PRKAR2A: variants seen among roughly 807,000 people sequenced by gnomAD.
The protein encoded by PRKAR2A is cAMP-dependent protein kinase type II-alpha regulatory subunit.
In PRKAR2A, 29 loss-of-function variants were observed where a neutral mutation model predicts 51.9. The observed-to-expected ratio is 0.56, with a 90% CI of 0.42 to 0.76. PRKAR2A has a LOEUF of 0.76. Ranked by LOEUF, PRKAR2A falls within the 30% of genes least tolerant of loss-of-function variation. PRKAR2A has a pLI of 0.00. For missense variants in PRKAR2A, 445 were observed against 512.1 expected (o/e 0.87, Z 1.26); for synonymous variants, 178 against 186.2 (o/e 0.96, Z 0.36).
chr3:48,815,695 C>T (rs985233191), intron 1 of PRKAR2A, among the ~76,000 whole-genome samples: 6 of 121,726 alleles, frequency 4.9e-5, no homozygotes, highest in South Asian at 5.1e-4. Context: ...TCTGTCTCAG[C>T]GGAAAAAAAA....
In PRKAR2A at chr3:48,829,590, A is replaced by ACGTGTG. The variant is rs1477522468; in HGVS notation, c.262+17744_262+17745insCACACG. On this transcript the variant is annotated intron_variant, in intron 1 of 10. Transcript: ENST00000265563. ...CACACATAAATATATATGTGTGTAT[A>ACGTGTG]TATACACACACATAAATGTGTGTGT... 3.7e-3 allele frequency among the ~76,000 whole-genome samples: 132 copies of ACGTGTG among 35,644 alleles called. 22 individuals are homozygous for ACGTGTG. Among genetic ancestry groups the ACGTGTG allele is most frequent in the South Asian group, 0.021 (22 of 1,050 alleles). The allele number at this position is 35,644 out of a possible 152,430, so 23.4% of individuals were successfully genotyped here.
chr3:48,837,138 T>C (rs914863349), intron 1 of PRKAR2A, among the ~76,000 whole-genome samples: 2 of 150,564 alleles, frequency 1.3e-5, no homozygotes, highest in Non-Finnish European at 3.0e-5. Context: ...ATAATAATAA[T>C]AAAAATAAAA....
At position 48,822,810 on chromosome 3, in the gene PRKAR2A, T is replaced by C. The variant is rs563581104; in HGVS notation, c.263-15126A>G. 2.0e-5 allele frequency among the ~76,000 whole-genome samples: 3 copies of C among 150,678 alleles called. No homozygotes were observed. The East Asian group carries it at 5.9e-4, about 30-fold the overall frequency. On this transcript the variant is annotated intron_variant, in intron 1 of 10. Transcript: ENST00000265563. ...TGGTGCAATCATGGCCTTGACTTGA[T>C]GTGGGGCCATTATCAATATTGTTTA... is the stretch of plus-strand genomic sequence containing the variant.
At chr3:48,838,147 C>G (rs1309927321) in intron 1 of PRKAR2A, among the ~76,000 whole-genome samples, 1 of 151,948 alleles carries the variant, frequency 6.6e-6, no homozygotes, top group East Asian at 1.9e-4. Context: ...CACTGCACTC[C>G]AGCCTGGGCG....
chr3:48,841,440 A>G (rs912948564), intron 1 of PRKAR2A, among the ~76,000 whole-genome samples: 4 of 149,178 alleles, frequency 2.7e-5, no homozygotes, highest in Middle Eastern at 3.3e-3. Context: ...AGCTACTCGG[A>G]AGGCTGAGGT....
In PRKAR2A at chr3:48,760,095, C is replaced by T. The variant is rs1013024901; in HGVS notation, c.874-3651G>A. Among the ~76,000 whole-genome samples, 15 of 152,168 alleles carry T rather than the reference C, an allele frequency of 9.9e-5. 1 individual carries two copies. Among genetic ancestry groups the T allele is most frequent in the African/African-American group, 3.1e-4 (13 of 41,454 alleles). ...AATGTAGGCCAGGTGTGGTGGCTCA[C>T]GCCATCCCAGTACTTTGGAAGGCCA... On this transcript the variant is annotated intron_variant, in intron 8 of 10. Coordinates refer to ENST00000265563, the MANE Select transcript of PRKAR2A (RefSeq NM_004157.4).
At chr3:48,815,697 GA>G (rs76544989) in intron 1 of PRKAR2A, among the ~76,000 whole-genome samples, 183 of 121,572 alleles carry the variant, frequency 1.5e-3, no homozygotes, top group Middle Eastern at 6.5e-3. Flanking sequence ...TGTCTCAGCG[GA>G]AAAAAAAAAA....
chr3:48,797,013 ATTGT>A (rs1478444470), intron 2 of PRKAR2A, among the ~76,000 whole-genome samples: 8 of 151,868 alleles, frequency 5.3e-5, no homozygotes, highest in Non-Finnish European at 1.0e-4. Flanking sequence ...TAGGCCCTGT[ATTGT>A]TTATTAGGAT....
intron 1 of PRKAR2A, among the ~76,000 whole-genome samples, chr3:48,831,572 A>T (rs1323378512): frequency 1.3e-5 from 2 of 151,980 alleles, no homozygotes; most frequent in Non-Finnish European, 2.9e-5. Flanking sequence ...TATGTCGCCC[A>T]GGCTGGTCCT....
intron 5 of PRKAR2A, 35 bp from the exon 6 acceptor site, chr3:48,773,143 C>A (rs1249603130): frequency 1.3e-6 from 2 of 1,536,464 alleles, no homozygotes; most frequent in Admixed American, 3.5e-5. Context: ...TAATTAGTTA[C>A]TTCTGATAAT....
rs1036302989 is a variant in PRKAR2A at position 48,765,229 on chromosome 3, C to T, written c.798+19G>A. ...TTTTCCTGATCCCCATGAACAGATTCTTATTCAAGCCACTTTACCTCTAGT... is the reference window on the plus strand; with the variant it reads ...TTTTCCTGATCCCCATGAACAGATTTTTATTCAAGCCACTTTACCTCTAGT... On this transcript the variant is annotated intron_variant, in intron 7 of 10. Coordinates refer to ENST00000265563, the MANE Select transcript of PRKAR2A (RefSeq NM_004157.4). 2 of 1,587,760 alleles carry T rather than the reference C, an allele frequency of 1.3e-6. No homozygotes were observed. Among genetic ancestry groups the T allele is most frequent in the Non-Finnish European group, 1.7e-6 (2 of 1,159,738 alleles).
chr3:48,829,866 TATA>T (rs1394299381), intron 1 of PRKAR2A, among the ~76,000 whole-genome samples: 25 of 79,890 alleles, frequency 3.1e-4, no homozygotes, highest in African/African-American at 1.4e-3. Flanking sequence ...TATATATATA[TATA>T]TATTTTTTTT....
At chr3:48,834,312 G>C (rs969850292) in intron 1 of PRKAR2A, among the ~76,000 whole-genome samples, 1 of 151,948 alleles carries the variant, frequency 6.6e-6, no homozygotes, top group Non-Finnish European at 1.5e-5. Context: ...GTGAGGTAGA[G>C]GCATAAATCA....
At chr3:48,830,999 C>T (rs969167812) in intron 1 of PRKAR2A, among the ~76,000 whole-genome samples, 1 of 152,192 alleles carries the variant, frequency 6.6e-6, no homozygotes, top group African/African-American at 2.4e-5. Context: ...TGAAGCTTCA[C>T]TTGCTTGCCC....
chr3:48,840,304 G>A (rs1236715164), intron 1 of PRKAR2A, among the ~76,000 whole-genome samples: 1 of 151,992 alleles, frequency 6.6e-6, no homozygotes, highest in Admixed American at 6.6e-5. Flanking sequence ...AGACCAGCCT[G>A]GCTAACATGG....
At chr3:48,770,068 C>A (rs901370672) in intron 6 of PRKAR2A, among the ~76,000 whole-genome samples, 5 of 152,176 alleles carry the variant, frequency 3.3e-5, no homozygotes, top group African/African-American at 1.2e-4. Context: ...AGTCACCACA[C>A]CCAGCTGGTT....
At chr3:48,831,564 T>C (rs894328648) in intron 1 of PRKAR2A, among the ~76,000 whole-genome samples, 1 of 151,984 alleles carries the variant, frequency 6.6e-6, no homozygotes, top group Non-Finnish European at 1.5e-5. Context: ...GGTCTTGCTA[T>C]GTCGCCCAGG....
chr3:48,745,895 G>A (rs902328839), downstream of PRKAR2A, among the ~76,000 whole-genome samples: 7 of 152,102 alleles, frequency 4.6e-5, no homozygotes, highest in South Asian at 2.1e-4. Context: ...CTTCCCTAAT[G>A]TGTGTGGGCC....
At chr3:48,807,613 A>G in intron 2 of PRKAR2A, 36 bp downstream of exon 2, 1 of 1,470,578 alleles carries the variant, frequency 6.8e-7, no homozygotes, top group Non-Finnish European at 9.4e-7. Context: ...TCTTAAAATA[A>G]CATTTTAGAA....
Sources: allele counts gnomAD v4.1 joint callset (sites outside exome capture counted in the v4.1 genomes callset), GRCh38; gene constraint gnomAD v4.1.1; transcripts MANE v1.5; gene names NCBI Gene and HGNC (gene_info 2026-07-23, HGNC 2026-07-21).